SULF1: variants seen among roughly 807,000 people sequenced by gnomAD.
The protein encoded by SULF1 is extracellular sulfatase Sulf-1.
A neutral mutation model predicts 110.5 loss-of-function variants in SULF1; 46 were observed. The observed-to-expected ratio is 0.42, with a 90% CI of 0.33 to 0.53. The LOEUF (loss-of-function observed/expected upper bound fraction) is 0.53, where lower values mean the gene tolerates loss of function less well. Ranked by LOEUF, SULF1 falls within the 20% of genes least tolerant of loss-of-function variation. SULF1 has a pLI of 0.12. For missense variants in SULF1, 941 were observed against 1,094.2 expected, an observed-to-expected ratio of 0.86 and a Z score of 1.98; for synonymous variants, 371 against 387.1, an observed-to-expected ratio of 0.96 and a Z score of 0.49.
intron 3 of SULF1, among the ~76,000 whole-genome samples, chr8:69,533,147 C>G (rs1420119629): frequency 6.6e-6 from 1 of 152,188 alleles, no homozygotes; most frequent in Non-Finnish European, 1.5e-5. Context: ...CCAGCAAGGA[C>G]AGGGTTGTGT....
chr8:69,481,340 CT>C (rs927089206), intron 1 of SULF1, among the ~76,000 whole-genome samples: 3 of 152,196 alleles, frequency 2.0e-5, no homozygotes, highest in Admixed American at 2.0e-4. Context: ...GAATAATTAT[CT>C]TTTTTTATAT....
At chr8:69,630,846 T>C (rs1304118184) in intron 19 of SULF1, among the ~76,000 whole-genome samples, 2 of 152,180 alleles carry the variant, frequency 1.3e-5, no homozygotes, top group African/African-American at 4.8e-5. Context: ...ACTTTAAGTT[T>C]TAGGGTACAT....
intron 1 of SULF1, chr8:69,466,980 C>T (rs899235839): frequency 6.6e-6 from 1 of 152,106 alleles, no homozygotes; most frequent in Admixed American, 6.5e-5. Flanking sequence ...ATGCTTCTCT[C>T]CCCCTCTCTC....
intron 13 of SULF1, among the ~76,000 whole-genome samples, chr8:69,611,062 A>G (rs1808615603): frequency 6.6e-6 from 1 of 152,224 alleles, no homozygotes; most frequent in Non-Finnish European, 1.5e-5. Flanking sequence ...GTGCTTTGGG[A>G]TTACATCCTG....
intron 1 of SULF1, chr8:69,469,468 G>C (rs1384843918): frequency 6.6e-6 from 1 of 152,224 alleles, no homozygotes. Flanking sequence ...CATTTTTATG[G>C]TGGTGTGCAA....
intron 5 of SULF1, among the ~76,000 whole-genome samples, chr8:69,573,372 G>A (rs1433693148): frequency 1.3e-5 from 2 of 152,168 alleles, no homozygotes; most frequent in Non-Finnish European, 2.9e-5. Flanking sequence ...TTTAGCCCCT[G>A]TTTTTATATT....
At chr8:69,528,705 G>A (rs1812868427) in intron 3 of SULF1, among the ~76,000 whole-genome samples, 2 of 152,164 alleles carry the variant, frequency 1.3e-5, no homozygotes, top group African/African-American at 2.4e-5. Flanking sequence ...GCACAGCATG[G>A]CATTTAAGCC....
chr8:69,516,269 G>A (rs1811911663), intron 3 of SULF1, among the ~76,000 whole-genome samples: 1 of 152,292 alleles, frequency 6.6e-6, no homozygotes, highest in Non-Finnish European at 1.5e-5. Context: ...ATGGTTGGGG[G>A]AGGCCTCAGG....
chr8:69,479,638 C>T (rs900305734), intron 1 of SULF1, among the ~76,000 whole-genome samples: 4 of 152,006 alleles, frequency 2.6e-5, no homozygotes, highest in Admixed American at 1.3e-4. Flanking sequence ...ATGTTGGAGG[C>T]GTACCTCCAA....
intron 13 of SULF1, among the ~76,000 whole-genome samples, chr8:69,609,643 T>C (rs1478550921): frequency 2.0e-5 from 3 of 152,340 alleles, no homozygotes; most frequent in South Asian, 4.1e-4. Context: ...TCACTTCACG[T>C]TGAGTACTTT....
intron 13 of SULF1, among the ~76,000 whole-genome samples, chr8:69,618,541 C>T (rs926603456): frequency 6.6e-6 from 1 of 152,114 alleles, no homozygotes; most frequent in Non-Finnish European, 1.5e-5. Flanking sequence ...ATCTGCAGGG[C>T]ATCCTGGACC....
chr8:69,588,057 C>A (rs1012532981), intron 7 of SULF1, among the ~76,000 whole-genome samples: 8 of 152,282 alleles, frequency 5.3e-5, no homozygotes, highest in African/African-American at 1.9e-4. Context: ...TGCCTGGAAG[C>A]CTTCAACATT....
In SULF1 at chr8:69,547,769, T is replaced by C. The variant is rs114954360; in HGVS notation, c.-133-15770T>C. 2.9e-3 allele frequency among the ~76,000 whole-genome samples: 438 copies of C among 152,294 alleles called. 5 individuals carry two copies. The highest frequency in any genetic ancestry group is 0.01 in the African/African-American group (416 of 41,560). ...TCCATTCAAAGGCAGGACTCTTTTC[T>C]CATTATCTCACTAGTGCCTGATGAA... On this transcript the variant is annotated intron_variant, in intron 3 of 22. Transcript: ENST00000402687.
intron 1 of SULF1, among the ~76,000 whole-genome samples, chr8:69,495,167 T>C (rs1412183024): frequency 6.6e-6 from 1 of 152,142 alleles, no homozygotes; most frequent in East Asian, 1.9e-4. Context: ...CAGGTTGAGA[T>C]ATCACTAAGA....
At position 69,660,256 on chromosome 8, in the gene SULF1, G is replaced by C. The variant is rs1459905435; in HGVS notation, c.*1721G>C. Reference sequence around the variant, plus strand: ...ATGACTAGTTTTGAATTTACACCAAGAACTTCTCAATAAAAGAAAATCATG... The same window carrying C: ...ATGACTAGTTTTGAATTTACACCAACAACTTCTCAATAAAAGAAAATCATG... On this transcript the variant is annotated 3_prime_UTR_variant, in exon 23 of 23. Transcript: ENST00000402687. 1 of 152,032 alleles carries C rather than the reference G, an allele frequency of 6.6e-6. No individual in the cohort carries two copies. The highest frequency in any genetic ancestry group is 1.5e-5 in the Non-Finnish European group (1 of 67,994). The allele number at this position is 152,032 out of a possible 1,614,324, so 9.4% of individuals were successfully genotyped here.
At chr8:69,597,057 G>A (rs530529312) in intron 8 of SULF1, 1 of 152,328 alleles carries the variant, frequency 6.6e-6, no homozygotes, top group East Asian at 1.9e-4. Flanking sequence ...TCAATATGTG[G>A]TTTTCCATTT....
intron 13 of SULF1, among the ~76,000 whole-genome samples, chr8:69,612,893 A>G (rs1446999448): frequency 1.3e-5 from 2 of 151,770 alleles, no homozygotes; most frequent in Non-Finnish European, 2.9e-5. Flanking sequence ...GTTTTTTTAT[A>G]TTTGCTTTTG....
intron 13 of SULF1, among the ~76,000 whole-genome samples, chr8:69,616,294 A>T (rs1809140771): frequency 6.6e-6 from 1 of 151,400 alleles, no homozygotes; most frequent in Non-Finnish European, 1.5e-5. Flanking sequence ...ATCTCGGGTC[A>T]CTGCAACCTC....
At chr8:69,499,215 T>C (rs1810616277) in intron 2 of SULF1, among the ~76,000 whole-genome samples, 1 of 152,218 alleles carries the variant, frequency 6.6e-6, no homozygotes, top group Non-Finnish European at 1.5e-5. Context: ...CAAAAAGCTA[T>C]GTATAAGTTG....
Sources: gnomAD v4.1 joint callset for allele counts (sites outside exome capture counted in the v4.1 genomes callset) on GRCh38, gnomAD v4.1.1 for gene constraint, MANE v1.5 for transcripts, NCBI Gene and HGNC (gene_info 2026-07-23, HGNC 2026-07-21) for gene names.